TMED7: variants seen among roughly 807,000 people sequenced by gnomAD.
TMED7 encodes transmembrane p24 trafficking protein 7.
In TMED7, 8 loss-of-function variants were observed where a neutral mutation model predicts 23.4. That is an observed-to-expected ratio of 0.34 (90% CI 0.20 to 0.62). TMED7 has a LOEUF of 0.62. Ranked by LOEUF, TMED7 falls within the 20% of genes least tolerant of loss-of-function variation. The pLI is 0.77. For missense variants in TMED7, 232 were observed against 279.1 expected (o/e 0.83, Z 1.20); for synonymous variants, 121 against 108.5 (o/e 1.12, Z -0.72).
chr5:115,623,994 A>G (rs1757120131), intron 1 of TMED7, among the ~76,000 whole-genome samples: 1 of 152,172 alleles, frequency 6.6e-6, no homozygotes, highest in South Asian at 2.1e-4. Context: ...CAGTTTCATC[A>G]GTAAAAAAGG....
At chr5:115,625,460 G>A (rs1309267053) in intron 1 of TMED7, 141 bp downstream of exon 1, 3 of 972,072 alleles carry the variant, frequency 3.1e-6, no homozygotes, top group Middle Eastern at 3.5e-4. Context: ...AAAGTCAAAT[G>A]CTGGGCATCA....
chr5:115,625,567 A>G (rs757683387), intron 1 of TMED7, 34 bp downstream of exon 1: 2 of 1,500,908 alleles, frequency 1.3e-6, no homozygotes, highest in Non-Finnish European at 1.8e-6. Flanking sequence ...TGGAGCCGCG[A>G]GTTGGGGCCC....
At position 115,614,068 on chromosome 5, in the gene TMED7, T is replaced by C. The variant is rs529891325; in HGVS notation, c.*2141A>G. 8.5e-5 allele frequency: 13 copies of C among 152,242 alleles called. No individual in the cohort carries two copies. Among genetic ancestry groups the C allele is most frequent in the Admixed American group, 7.2e-4 (11 of 15,290 alleles). 9.4% of individuals were successfully genotyped at this position (152,242 alleles called of 1,614,324 possible). Reference sequence around the variant, plus strand: ...TAAGGAAAAATGATGAGCTACAAATTATGTAGTTGGAGGAAGAAAAAAATG... The same window carrying C: ...TAAGGAAAAATGATGAGCTACAAATCATGTAGTTGGAGGAAGAAAAAAATG... On this transcript the variant is annotated 3_prime_UTR_variant, in exon 3 of 3. Transcript: ENST00000456936.
chr5:115,624,901 G>A (rs1036689746), intron 1 of TMED7, among the ~76,000 whole-genome samples: 1 of 152,200 alleles, frequency 6.6e-6, no homozygotes, highest in Non-Finnish European at 1.5e-5. Context: ...ATGAATGATG[G>A]CAGTGACCCT....
chr5:115,623,008 G>A lies in TMED7; in HGVS notation c.193-2328C>T, dbSNP rs149774135. On this transcript the variant is annotated intron_variant, in intron 1 of 2. Transcript: ENST00000456936. Reference sequence around the variant, plus strand: ...AAATCTACAGTTTATAACATTATACGACTATATATGTCTATGTAAGCTCTC... The same window carrying A: ...AAATCTACAGTTTATAACATTATACAACTATATATGTCTATGTAAGCTCTC... 1.4e-3 allele frequency among the ~76,000 whole-genome samples: 207 copies of A among 152,222 alleles called. 2 individuals carry two copies. Among genetic ancestry groups the A allele is most frequent in the African/African-American group, 4.7e-3 (195 of 41,534 alleles).
At chr5:115,622,722 G>A (rs4920869) in intron 1 of TMED7, among the ~76,000 whole-genome samples, 12,895 of 152,138 alleles carry the variant, frequency 0.085, 645 homozygotes, top group Middle Eastern at 0.11. Context: ...ATAATTACCT[G>A]TGGCCTGCAG....
rs564692117 is a variant in TMED7 at position 115,624,775 on chromosome 5, C to T, written c.192+826G>A. 7.2e-5 allele frequency among the ~76,000 whole-genome samples: 11 copies of T among 152,302 alleles called. No individual in the cohort carries two copies. In the East Asian group the frequency reaches 1.9e-3, roughly 27 times the overall value. On this transcript the variant is annotated intron_variant, in intron 1 of 2. Transcript: ENST00000456936. ...TTATAGCTCATCCTTTAAAGTTCAG[C>T]TTAAAATAATTTTCCAAAGGAAGTC...
chr5:115,620,405 C>T, intron 2 of TMED7, 30 bp downstream of exon 2: 3 of 1,451,572 alleles, frequency 2.1e-6, no homozygotes, highest in Non-Finnish European at 1.8e-6. Context: ...TTAAATATAC[C>T]AACATTATAT....
intron 1 of TMED7, among the ~76,000 whole-genome samples, chr5:115,625,215 A>G (rs918245431): frequency 9.2e-5 from 14 of 152,234 alleles, no homozygotes; most frequent in Admixed American, 4.6e-4. Flanking sequence ...AAAGCAATGA[A>G]GTTAGACATT....
chr5:115,616,573 T>G, intron 2 of TMED7, 128 bp from the exon 3 acceptor site: 3 of 1,361,382 alleles, frequency 2.2e-6, no homozygotes, highest in Non-Finnish European at 3.0e-6. Flanking sequence ...TGGCATTCAT[T>G]CATACATTTA....
chr5:115,626,005 G>C lies in TMED7; in HGVS notation c.-213C>G, dbSNP rs1169023508. On this transcript the variant is annotated 5_prime_UTR_variant, in exon 1 of 3. Transcript: ENST00000456936. ...GACCTGGGGAGGTAAAAGAGAAGCG[G>C]AAAAGGCCTGAGAGGGTCGGAAGTG... The C allele has an allele frequency of 3.5e-6, 2 of 564,668 alleles. No homozygotes were observed. The highest frequency in any genetic ancestry group is 3.9e-5 in the African/African-American group (2 of 50,962). The allele number at this position is 564,668 out of a possible 1,614,324, so 35.0% of individuals were successfully genotyped here.
chr5:115,624,892 T>C (rs1467853810), intron 1 of TMED7, among the ~76,000 whole-genome samples: 2 of 152,258 alleles, frequency 1.3e-5, no homozygotes, highest in Non-Finnish European at 2.9e-5. Context: ...AGGGGAATCA[T>C]GAATGATGGC....
intron 1 of TMED7, among the ~76,000 whole-genome samples, chr5:115,622,936 A>T (rs543808493): frequency 3.9e-5 from 6 of 152,338 alleles, no homozygotes; most frequent in African/African-American, 1.4e-4. Flanking sequence ...ACGGATCAAA[A>T]TGACAGTGTT....
At position 115,616,033 on chromosome 5, in the gene TMED7, A is replaced by C. The variant is rs571182485; in HGVS notation, c.*176T>G. Reference sequence around the variant, plus strand: ...TGAGTTCCAAAGTTTTTCCACCTTTACAAATAAAAAAAGGTGTCCTTTCCA... The same window carrying C: ...TGAGTTCCAAAGTTTTTCCACCTTTCCAAATAAAAAAAGGTGTCCTTTCCA... On this transcript the variant is annotated 3_prime_UTR_variant, in exon 3 of 3. Coordinates refer to ENST00000456936, the MANE Select transcript of TMED7 (RefSeq NM_181836.6). 6.8e-5 allele frequency: 45 copies of C among 665,866 alleles called. 1 individual carries two copies. In the African/African-American group the frequency reaches 8.0e-4, roughly 12 times the overall value. 41.2% of individuals were successfully genotyped at this position (665,866 alleles called of 1,614,324 possible). A position where few individuals can be genotyped will look rare whatever the true frequency, so the allele number is the denominator to read the frequency against.
chr5:115,621,407 A>G (rs1377698603), intron 1 of TMED7, among the ~76,000 whole-genome samples: 1 of 152,252 alleles, frequency 6.6e-6, no homozygotes, highest in East Asian at 1.9e-4. Context: ...GAGACACGTA[A>G]CTGATTAAAT....
intron 2 of TMED7, among the ~76,000 whole-genome samples, chr5:115,619,528 T>A (rs1756941380): frequency 6.6e-6 from 1 of 152,134 alleles, no homozygotes; most frequent in Non-Finnish European, 1.5e-5. Flanking sequence ...ATCCAAAATG[T>A]TTGGGACCAG....
intron 1 of TMED7, among the ~76,000 whole-genome samples, chr5:115,622,539 G>A (rs142592566): frequency 1.6e-4 from 25 of 152,208 alleles, no homozygotes; most frequent in African/African-American, 6.0e-4. Flanking sequence ...GTTGTAGGAG[G>A]CTGTATGGTC....
In TMED7 at chr5:115,613,270, T is replaced by A. The variant is rs1756539454; in HGVS notation, c.*2939A>T. On this transcript the variant is annotated 3_prime_UTR_variant, in exon 3 of 3. Transcript: ENST00000456936. Reference sequence around the variant, plus strand: ...AAGACCTCTTTAGAGCAACTGATGATTTAACTGCTTTTCACCTACACAAAC... The same window carrying A: ...AAGACCTCTTTAGAGCAACTGATGAATTAACTGCTTTTCACCTACACAAAC... Among the ~76,000 whole-genome samples, 1 of 152,168 alleles carries A rather than the reference T, an allele frequency of 6.6e-6. No individual in the cohort carries two copies. Among genetic ancestry groups the A allele is most frequent in the South Asian group, 2.1e-4 (1 of 4,832 alleles).
chr5:115,613,466 G>C lies in TMED7; in HGVS notation c.*2743C>G, dbSNP rs1756550555. ...GGCTTTAAGTTTATAAGGAGCTTTAGAAAGATTTAAATCCTGACAGAAACA... is the reference window on the plus strand; with the variant it reads ...GGCTTTAAGTTTATAAGGAGCTTTACAAAGATTTAAATCCTGACAGAAACA... On this transcript the variant is annotated 3_prime_UTR_variant, in exon 3 of 3. Transcript: ENST00000456936. 1 of 152,064 alleles carries C rather than the reference G, an allele frequency of 6.6e-6. No individual in the cohort carries two copies. Among genetic ancestry groups the C allele is most frequent in the Non-Finnish European group, 1.5e-5 (1 of 67,982 alleles). 9.4% of individuals were successfully genotyped at this position (152,064 alleles called of 1,614,324 possible).
Sources: allele counts gnomAD v4.1 joint callset (sites outside exome capture counted in the v4.1 genomes callset), GRCh38; gene constraint gnomAD v4.1.1; transcripts MANE v1.5; gene names NCBI Gene and HGNC (gene_info 2026-07-23, HGNC 2026-07-21).